The following UBE2U variants were observed in gnomAD, a reference collection of about 807,000 sequenced individuals.
UBE2U encodes the protein ubiquitin conjugating enzyme E2 U, also known as ubiquitin-conjugating enzyme E2 U.
UBE2U carries 39 observed loss-of-function variants against 41.2 expected under a neutral mutation model. The observed-to-expected ratio is 0.95, with a 90% confidence interval of 0.73 to 1.24. UBE2U has a LOEUF of 1.24. Ranked by LOEUF, UBE2U falls within the 50% of genes most tolerant of loss-of-function variation. The probability of loss-of-function intolerance (pLI) is 0.00; values close to 1 mark genes in which losing one functional copy is unlikely to be tolerated. For synonymous variants in UBE2U, 107 were observed against 117.8 expected, an observed-to-expected ratio of 0.91 and a Z score of 0.60; for missense variants, 336 against 363.1, an observed-to-expected ratio of 0.93 and a Z score of 0.61.
At chr1:64,209,064 T>C (rs1206120194) in intron 3 of UBE2U, among the ~76,000 whole-genome samples, 3 of 152,238 alleles carry the variant, frequency 2.0e-5, no homozygotes, top group Non-Finnish European at 4.4e-5. Flanking sequence ...GGAACATTCA[T>C]ATTTTACATT....
rs1390180832 is a variant in UBE2U at position 64,260,851 on chromosome 1, C to T, written c.769+157C>T. Among the ~76,000 whole-genome samples, 6 of 152,138 alleles carry T rather than the reference C, an allele frequency of 3.9e-5. No individual in the cohort carries two copies. The East Asian group carries it at 1.2e-3, about 29-fold the overall frequency. ...GTTGCTTTAACTTTTTCTGACTTTC[C>T]AAATTAATTTGGTAAATTAGTCACA... On this transcript the variant is annotated intron_variant, in intron 9 of 9. Transcript: ENST00000371077.
chr1:64,239,325 A>G (rs570990023), intron 7 of UBE2U, among the ~76,000 whole-genome samples: 5 of 151,892 alleles, frequency 3.3e-5, no homozygotes, highest in African/African-American at 1.2e-4. Context: ...CTGGCTTAAT[A>G]ATATTTCATG....
In UBE2U at chr1:64,231,203, A is replaced by G. The variant is rs1345134345; in HGVS notation, c.507-1358A>G. Among the ~76,000 whole-genome samples, 4 of 151,368 alleles carry G rather than the reference A, an allele frequency of 2.6e-5. No individual in the cohort carries two copies. The East Asian group carries it at 7.9e-4, about 30-fold the overall frequency. ...TGAACAGGACACCCTGGGAAGGGAA[A>G]AGGTCATGGGTCGTGGTCAAACAGA... On this transcript the variant is annotated intron_variant, in intron 6 of 9. Coordinates refer to ENST00000371077, the MANE Select transcript of UBE2U (RefSeq NM_001366232.2).
chr1:64,239,119 A>AGGAAGAG (rs1491338529), intron 7 of UBE2U, among the ~76,000 whole-genome samples: 1 of 23,050 alleles, frequency 4.3e-5, no homozygotes, highest in Non-Finnish European at 8.2e-5. Context: ...AAGAAGAAGA[A>AGGAAGAG]GAAGAAGAAG....
chr1:64,207,688 C>G (rs1300278261), intron 3 of UBE2U, among the ~76,000 whole-genome samples: 1 of 152,042 alleles, frequency 6.6e-6, no homozygotes, highest in Non-Finnish European at 1.5e-5. Flanking sequence ...GATCAAAAAT[C>G]TAAAAATTTT....
rs1645166495 is a variant in UBE2U, at chr1:64,260,634, A to G, written c.709A>G (p.Lys237Glu). 3 of 1,549,550 alleles carry G rather than the reference A, an allele frequency of 1.9e-6. No homozygotes were observed. The highest frequency in any genetic ancestry group is 2.6e-6 in the Non-Finnish European group (3 of 1,146,662). The change falls in exon 9 of 10, where the codon AAA (lysine) becomes GAA (glutamate). Residue 237 changes from lysine (K) to glutamate (E), a missense_variant. Coordinates refer to ENST00000371077, the MANE Select transcript of UBE2U (RefSeq NM_001366232.2). Reference sequence around the variant, plus strand: ...CGTTATCAAGTGTTGGCTTGCTAGAAAAAGAATGCCTCATGAAGTCACTCA... The same window carrying G: ...CGTTATCAAGTGTTGGCTTGCTAGAGAAAGAATGCCTCATGAAGTCACTCA... ...YSVIKCWLAR[K>E]RMPHEVTHSM...
rs1557730426 is a variant in UBE2U, at chr1:64,239,136, A to AAGGAGAAGG, written c.596-2514_596-2513insGAGAAGGAG. Reference sequence around the variant, plus strand: ...GAAGAAGAAGAAGAAGAAGAAGAAGAAGAAGAAGAAGAAGAAGAAGAAAGA... The same window carrying AAGGAGAAGG: ...GAAGAAGAAGAAGAAGAAGAAGAAGAAGGAGAAGGAGAAGAAGAAGAAGAAGAAGAAAGA... On this transcript the variant is annotated intron_variant, in intron 7 of 9. Transcript: ENST00000371077. 2.8e-4 allele frequency among the ~76,000 whole-genome samples: 8 copies of AAGGAGAAGG among 28,360 alleles called. 2 individuals carry two copies. Among genetic ancestry groups the AAGGAGAAGG allele is most frequent in the African/African-American group, 1.1e-3 (8 of 7,360 alleles). 18.6% of individuals were successfully genotyped at this position (28,360 alleles called of 152,430 possible).
Position 64,260,681 on chromosome 1 carries a change from C to T in UBE2U, c.756C>T (p.Leu252=). 6.5e-7 allele frequency: 1 copy of T among 1,549,250 alleles called. No individual in the cohort carries two copies. Among genetic ancestry groups the T allele is most frequent in the South Asian group, 1.2e-5 (1 of 83,884 alleles). ...EVTHSMEEIK[L]CPTLNEIFLE... The stretch of plus-strand genomic sequence containing the variant: ...CTCACTCAATGGAAGAAATTAAGCT[C>T]TGCCCAACTCTAAGTAAATCGATTC... Residue 252 remains leucine (L), a synonymous_variant, in exon 9 of 10, where the codon CTC becomes CTT. Transcript: ENST00000371077.
At chr1:64,258,979 A>G (rs1645140553) in intron 8 of UBE2U, among the ~76,000 whole-genome samples, 1 of 152,148 alleles carries the variant, frequency 6.6e-6, no homozygotes, top group Admixed American at 6.5e-5. Context: ...CCTCTCCAAC[A>G]TCTGTTGTTT....
At chr1:64,233,936 C>G (rs1644618500) in intron 7 of UBE2U, among the ~76,000 whole-genome samples, 1 of 152,202 alleles carries the variant, frequency 6.6e-6, no homozygotes, top group Non-Finnish European at 1.5e-5. Flanking sequence ...CTGTGCTCTC[C>G]TTGATTTACA....
intron 8 of UBE2U, among the ~76,000 whole-genome samples, chr1:64,255,985 AG>A (rs1422623381): frequency 6.6e-6 from 1 of 152,110 alleles, no homozygotes; most frequent in Non-Finnish European, 1.5e-5. Context: ...TCAACAGGCA[AG>A]CAGAGAGTCA....
At chr1:64,245,298 C>T (rs1644902559) in intron 8 of UBE2U, among the ~76,000 whole-genome samples, 1 of 152,070 alleles carries the variant, frequency 6.6e-6, no homozygotes, top group Non-Finnish European at 1.5e-5. Flanking sequence ...TTTAAGTTCT[C>T]CAGAGAAATA....
At chr1:64,258,033 G>T (rs144905670) in intron 8 of UBE2U, among the ~76,000 whole-genome samples, 12 of 152,086 alleles carry the variant, frequency 7.9e-5, no homozygotes, top group Non-Finnish European at 1.5e-4. Flanking sequence ...CTGAATGTTT[G>T]CCCTGAATGT....
chr1:64,233,648 A>G (rs543898252), intron 7 of UBE2U, among the ~76,000 whole-genome samples: 2 of 152,326 alleles, frequency 1.3e-5, no homozygotes, highest in South Asian at 4.1e-4. Flanking sequence ...CAATTATATC[A>G]ATCTAAAAGG....
chr1:64,266,690 C>T (rs940821884), intron 9 of UBE2U, among the ~76,000 whole-genome samples: 1 of 152,122 alleles, frequency 6.6e-6, no homozygotes, highest in Non-Finnish European at 1.5e-5. Flanking sequence ...TTTCAAAGTC[C>T]GACTCAGTTT....
chr1:64,239,236 T>G (rs528159756), intron 7 of UBE2U, among the ~76,000 whole-genome samples: 1 of 151,766 alleles, frequency 6.6e-6, no homozygotes, highest in East Asian at 2.0e-4. Flanking sequence ...TCTAGCTGGT[T>G]AAATAGTTCG....
chr1:64,208,314 A>G (rs576613682), intron 3 of UBE2U, among the ~76,000 whole-genome samples: 5 of 152,112 alleles, frequency 3.3e-5, no homozygotes, highest in Non-Finnish European at 5.9e-5. Context: ...ATATTTAAAG[A>G]CGTTTATTCC....
intron 8 of UBE2U, among the ~76,000 whole-genome samples, chr1:64,257,645 GGAA>G (rs1230515755): frequency 5.3e-5 from 8 of 151,548 alleles, no homozygotes; most frequent in African/African-American, 1.9e-4. Flanking sequence ...GAGAGCATCA[GGAA>G]GAATAGCTAA....
At chr1:64,249,369 C>G (rs1207345796) in intron 8 of UBE2U, among the ~76,000 whole-genome samples, 1 of 109,410 alleles carries the variant, frequency 9.1e-6, no homozygotes, top group African/African-American at 3.5e-5. Context: ...CAGAGTGAGA[C>G]TCTGTCTCAA....
Sources: gnomAD v4.1 joint callset for allele counts (sites outside exome capture counted in the v4.1 genomes callset) on GRCh38, gnomAD v4.1.1 for gene constraint, MANE v1.5 for transcripts, NCBI Gene and HGNC (gene_info 2026-07-23, HGNC 2026-07-21) for gene names.